NCOA2: variants seen among roughly 807,000 people sequenced by gnomAD.
NCOA2 encodes the protein nuclear receptor coactivator 2.
A neutral mutation model predicts 145.1 loss-of-function variants in NCOA2; 21 were observed. That is an observed-to-expected ratio of 0.14 (90% CI 0.10 to 0.21). The LOEUF (loss-of-function observed/expected upper bound fraction) is 0.21. NCOA2 is among the 10% of genes least tolerant of loss of function. The pLI is 1.00. For missense variants in NCOA2, 1,472 were observed against 1,837.6 expected, an observed-to-expected ratio of 0.80 and a Z score of 3.64; for synonymous variants, 619 against 637.5, an observed-to-expected ratio of 0.97 and a Z score of 0.44.
At chr8:70,272,548 T>A (rs779197525) in intron 2 of NCOA2, among the ~76,000 whole-genome samples, 2 of 152,204 alleles carry the variant, frequency 1.3e-5, no homozygotes, top group Non-Finnish European at 2.9e-5. Flanking sequence ...TCTTAACTGA[T>A]TGGTCTGAAA....
rs1813278437 is a variant in NCOA2 at position 70,163,499 on chromosome 8, T to G, written c.798A>C (p.Ser266=). The change falls in exon 8 of 23, where the codon TCA becomes TCC. Residue 266 remains serine (S), a synonymous_variant. Coordinates refer to ENST00000452400, the MANE Select transcript of NCOA2 (RefSeq NM_006540.4). Reference sequence around the variant, plus strand: ...CCTGGCGAGTAGTAAAACTTTCTGATGAGGGAAGAACTGGTCTTTCCTTCA... The same window carrying G: ...CCTGGCGAGTAGTAAAACTTTCTGAGGAGGGAAGAACTGGTCTTTCCTTCA... The part of the protein sequence containing the change: ...VPMKERPVLP[S]SESFTTRQDL... 6.2e-7 allele frequency: 1 copy of G among 1,613,836 alleles called. No homozygotes were observed. The highest frequency in any genetic ancestry group is 1.1e-5 in the South Asian group (1 of 91,090).
chr8:70,233,701 G>A (rs886377996), intron 2 of NCOA2, among the ~76,000 whole-genome samples: 1 of 152,078 alleles, frequency 6.6e-6, no homozygotes, highest in Non-Finnish European at 1.5e-5. Flanking sequence ...TCTCCATTTT[G>A]TGGCTTTCAT....
At chr8:70,394,505 A>G (rs1813485814) in intron 1 of NCOA2, among the ~76,000 whole-genome samples, 1 of 152,258 alleles carries the variant, frequency 6.6e-6, no homozygotes, top group Non-Finnish European at 1.5e-5. Context: ...ACTTGTATGA[A>G]AAAGCTTTAA....
At chr8:70,288,601 A>G (rs1826424308) in intron 2 of NCOA2, among the ~76,000 whole-genome samples, 1 of 152,136 alleles carries the variant, frequency 6.6e-6, no homozygotes, top group Non-Finnish European at 1.5e-5. Flanking sequence ...CAAAAAAAAA[A>G]AAGGAAGAAA....
At chr8:70,405,440 T>TTG (rs1814730842), upstream of NCOA2, among the ~76,000 whole-genome samples, 2 of 113,904 alleles carry the variant, frequency 1.8e-5, no homozygotes, top group African/African-American at 4.0e-5. Flanking sequence ...TTTAAAGGTT[T>TTG]TTTTTTTTTT....
intron 3 of NCOA2, 42 bp from the exon 4 acceptor site, chr8:70,214,117 A>C: frequency 6.5e-7 from 1 of 1,548,970 alleles, no homozygotes; most frequent in Non-Finnish European, 8.7e-7. Flanking sequence ...TTTGAAAAAG[A>C]GCTATTGTGA....
intron 2 of NCOA2, among the ~76,000 whole-genome samples, chr8:70,254,070 A>C (rs1239534413): frequency 6.6e-6 from 1 of 152,200 alleles, no homozygotes; most frequent in Non-Finnish European, 1.5e-5. Flanking sequence ...CTGATTTAAA[A>C]ACTGGCAAAG....
chr8:70,211,370 A>C (rs1467631229), intron 4 of NCOA2, among the ~76,000 whole-genome samples: 1 of 151,994 alleles, frequency 6.6e-6, no homozygotes, highest in East Asian at 1.9e-4. Context: ...GAGGCAGGAG[A>C]ATCGCTTGAA....
intron 1 of NCOA2, among the ~76,000 whole-genome samples, chr8:70,388,803 G>A (rs1234270857): frequency 6.6e-6 from 1 of 152,088 alleles, no homozygotes; most frequent in Non-Finnish European, 1.5e-5. Flanking sequence ...AGAGGTCTCA[G>A]GGAACAAAGA....
chr8:70,141,083 T>C lies in NCOA2; in HGVS notation c.3028+101A>G, dbSNP rs757937740. 2.8e-5 allele frequency: 32 copies of C among 1,156,856 alleles called. No homozygotes were observed. The Admixed American group carries it at 4.6e-4, about 17-fold the overall frequency. 71.7% of individuals were successfully genotyped at this position (1,156,856 alleles called of 1,614,324 possible). ...TTATGGCAGCTTCATGGGAGGATTA[T>C]CTAAAATGCCCATAAGAAGCATGTC... On this transcript the variant is annotated intron_variant, in intron 14 of 22. Coordinates refer to ENST00000452400, the MANE Select transcript of NCOA2 (RefSeq NM_006540.4).
chr8:70,358,801 CA>C (rs1012007389), intron 1 of NCOA2, among the ~76,000 whole-genome samples: 79 of 152,224 alleles, frequency 5.2e-4, no homozygotes, highest in African/African-American at 1.9e-3. Context: ...TAAAAGACAA[CA>C]TACAGCATTG....
intron 15 of NCOA2, among the ~76,000 whole-genome samples, chr8:70,132,601 A>ATG (rs1809260348): frequency 6.6e-6 from 1 of 152,146 alleles, no homozygotes; most frequent in Non-Finnish European, 1.5e-5. Flanking sequence ...GTCTCACTTC[A>ATG]TTGCCCAGGC....
chr8:70,388,092 C>T (rs1280682466), intron 1 of NCOA2, among the ~76,000 whole-genome samples: 2 of 152,174 alleles, frequency 1.3e-5, no homozygotes, highest in Non-Finnish European at 2.9e-5. Context: ...GAGCATAACG[C>T]CACCAAGTTT....
rs1376586938 is a variant in NCOA2, at chr8:70,112,522, G to A, written c.*1110C>T. 2.9e-5 allele frequency: 6 copies of A among 206,298 alleles called. No individual in the cohort carries two copies. The highest frequency in any genetic ancestry group is 1.5e-4 in the East Asian group (2 of 13,468). 12.8% of individuals were successfully genotyped at this position (206,298 alleles called of 1,614,324 possible). A position where few individuals can be genotyped will look rare whatever the true frequency, so the allele number is the denominator to read the frequency against. On this transcript the variant is annotated 3_prime_UTR_variant, in exon 23 of 23. Coordinates refer to ENST00000452400, the MANE Select transcript of NCOA2 (RefSeq NM_006540.4). The stretch of plus-strand genomic sequence containing the variant: ...CTGCTATCAATTTAAACACACTGGC[G>A]TTTTCTCCCATTTTGGAGGCCAGAG...
chr8:70,351,083 A>C (rs1809143605), intron 1 of NCOA2, among the ~76,000 whole-genome samples: 1 of 151,916 alleles, frequency 6.6e-6, no homozygotes, highest in Non-Finnish European at 1.5e-5. Context: ...TAACAAACCC[A>C]CTCCCACAAT....
chr8:70,266,890 T>G (rs1184411769), intron 2 of NCOA2, among the ~76,000 whole-genome samples: 1 of 152,236 alleles, frequency 6.6e-6, no homozygotes, highest in Non-Finnish European at 1.5e-5. Context: ...AACTACATTA[T>G]GTGCTTCTTA....
At chr8:70,450,593 T>TTTTTTTTTG in the NCOA2 span, among the ~76,000 whole-genome samples, 1 of 145,242 alleles carries the variant, frequency 6.9e-6, no homozygotes, top group African/African-American at 2.6e-5. Context: ...TTTTTTTTTT[T>TTTTTTTTTG]TGTGAGATGG....
the NCOA2 span, among the ~76,000 whole-genome samples, chr8:70,422,088 C>T: frequency 9.2e-5 from 14 of 151,372 alleles, no homozygotes; most frequent in African/African-American, 3.4e-4. Context: ...GAGCAAGACT[C>T]CGGTCTCGAA....
At chr8:70,245,688 A>C (rs1822557313) in intron 2 of NCOA2, among the ~76,000 whole-genome samples, 1 of 152,134 alleles carries the variant, frequency 6.6e-6, no homozygotes, top group African/African-American at 2.4e-5. Context: ...ATACCCTAAA[A>C]TGAAAATATA....
Sources: allele counts gnomAD v4.1 joint callset (sites outside exome capture counted in the v4.1 genomes callset), GRCh38; gene constraint gnomAD v4.1.1; transcripts MANE v1.5; gene names NCBI Gene and HGNC (gene_info 2026-07-23, HGNC 2026-07-21).